FRMPD4: variants seen among roughly 807,000 people sequenced by gnomAD.
FRMPD4 encodes the protein FERM and PDZ domain containing 4, also known as FERM and PDZ domain-containing protein 4.
A neutral mutation model predicts 94.1 loss-of-function variants in FRMPD4; 22 were observed. That is an observed-to-expected ratio of 0.23 (90% CI 0.17 to 0.33). The LOEUF (loss-of-function observed/expected upper bound fraction) is 0.33. Ranked by LOEUF, FRMPD4 falls within the 10% of genes least tolerant of loss-of-function variation. FRMPD4 has a pLI of 1.00. For missense variants in FRMPD4, 1,111 were observed against 1,339.9 expected (o/e 0.83, Z 2.67); for synonymous variants, 631 against 548.6 (o/e 1.15, Z -2.10).
intron 3 of FRMPD4, among the ~76,000 whole-genome samples, chrX:12,088,974 TAAG>T (rs1240983105): frequency 1.8e-5 from 2 of 111,897 alleles, no homozygotes; most frequent in Non-Finnish European, 3.8e-5. Flanking sequence ...CTCCTCTCCA[TAAG>T]AATAACCACT....
intron 1 of FRMPD4, among the ~76,000 whole-genome samples, chrX:12,470,828 A>G (rs936255918): frequency 9.0e-6 from 1 of 111,604 alleles, no homozygotes; most frequent in African/African-American, 3.3e-5. Context: ...CTCCTCAGCA[A>G]TATCTTTCTG....
intron 4 of FRMPD4, among the ~76,000 whole-genome samples, chrX:12,660,339 C>T (rs1038758300): frequency 2.7e-5 from 3 of 112,172 alleles, no homozygotes; most frequent in Non-Finnish European, 5.6e-5. Flanking sequence ...TAGTCCAAGA[C>T]ACTTGATTGG....
chrX:12,440,919 A>G (rs1431504213), intron 1 of FRMPD4, among the ~76,000 whole-genome samples: 1 of 112,104 alleles, frequency 8.9e-6, no homozygotes, highest in Non-Finnish European at 1.9e-5. Flanking sequence ...AAATGTCATA[A>G]TTCTTCTGAT....
intron 1 of FRMPD4, among the ~76,000 whole-genome samples, chrX:12,269,573 G>T (rs2054324152): frequency 8.9e-6 from 1 of 112,438 alleles, no homozygotes; most frequent in Admixed American, 9.4e-5. Context: ...TCTAAGTAAT[G>T]CTATTATAGT....
At chrX:12,626,629 A>G (rs1251552610) in intron 4 of FRMPD4, among the ~76,000 whole-genome samples, 1 of 96,904 alleles carries the variant, frequency 1.0e-5, no homozygotes, top group Non-Finnish European at 2.1e-5. Context: ...TGTATGCCCC[A>G]TAGACACACT....
chrX:12,097,612 G>A (rs1310971025), intron 3 of FRMPD4, among the ~76,000 whole-genome samples: 1 of 112,009 alleles, frequency 8.9e-6, no homozygotes, highest in East Asian at 2.8e-4. Context: ...TCTACTTTCT[G>A]TCTCTATAGA....
intron 4 of FRMPD4, among the ~76,000 whole-genome samples, chrX:12,665,806 A>G (rs775075976): frequency 6.2e-4 from 69 of 112,192 alleles, no homozygotes; most frequent in Non-Finnish European, 1.0e-3. Flanking sequence ...AACTGATACC[A>G]GCTACTGCAA....
intron 3 of FRMPD4, among the ~76,000 whole-genome samples, chrX:12,074,157 C>G (rs1027141678): frequency 1.8e-5 from 2 of 111,763 alleles, no homozygotes; most frequent in African/African-American, 6.5e-5. Context: ...TAATTTATGT[C>G]AAAATTCATA....
intron 3 of FRMPD4, among the ~76,000 whole-genome samples, chrX:12,077,778 C>T (rs1286823627): frequency 2.7e-5 from 3 of 111,543 alleles, no homozygotes; most frequent in Non-Finnish European, 5.6e-5. Context: ...CTCTCTCTCT[C>T]TCTCAGGAAG....
At chrX:11,909,256 A>G (rs2053984103) in intron 3 of FRMPD4, among the ~76,000 whole-genome samples, 1 of 111,894 alleles carries the variant, frequency 8.9e-6, no homozygotes, top group African/African-American at 3.2e-5. Context: ...CAGGTAATCC[A>G]TTTCTTCTCA....
At chrX:12,591,008 A>C (rs2058977467) in intron 2 of FRMPD4, among the ~76,000 whole-genome samples, 2 of 112,000 alleles carry the variant, frequency 1.8e-5, no homozygotes, top group Admixed American at 1.9e-4. Flanking sequence ...ATTTTTGCAA[A>C]TGTGATGATT....
intron 1 of FRMPD4, among the ~76,000 whole-genome samples, chrX:12,417,857 G>A (rs1450834471): frequency 9.3e-6 from 1 of 107,819 alleles, no homozygotes; most frequent in Non-Finnish European, 1.9e-5. Flanking sequence ...AGCCGGGCGT[G>A]GTGGTGGGCG....
chrX:11,882,552 G>A (rs2053819967), intron 3 of FRMPD4, among the ~76,000 whole-genome samples: 1 of 111,453 alleles, frequency 9.0e-6, no homozygotes, highest in Admixed American at 9.5e-5. Context: ...GTGACAGGTC[G>A]CAGTAAAAAC....
intron 3 of FRMPD4, among the ~76,000 whole-genome samples, chrX:11,898,101 G>A (rs1303873392): frequency 9.0e-6 from 1 of 111,668 alleles, no homozygotes; most frequent in East Asian, 2.8e-4. Context: ...CCAAGGAAGA[G>A]GTCCTCATGA....
rs780643593 is a variant in FRMPD4 at position 12,098,078 on chromosome X, CTTG to C, written c.95+220068_95+220070del. Among the ~76,000 whole-genome samples, 8 of 112,194 alleles carry C rather than the reference CTTG, an allele frequency of 7.1e-5. No homozygotes were observed. In the East Asian group the frequency reaches 1.1e-3, roughly 16 times the overall value. On this transcript the variant is annotated intron_variant, in intron 3 of 18. Transcript: ENST00000640291. ...CAATATCTGCACATTTTAGCCAACA[CTTG>C]TTGTTGTCCAGACCTAGGTAATATT...
chrX:12,605,467 T>C (rs1244414226), intron 2 of FRMPD4, among the ~76,000 whole-genome samples: 1 of 111,786 alleles, frequency 8.9e-6, no homozygotes, highest in Non-Finnish European at 1.9e-5. Context: ...GGGGTTGATG[T>C]AATGGCCCCT....
intron 5 of FRMPD4, among the ~76,000 whole-genome samples, chrX:12,675,351 G>A (rs1463103874): frequency 9.5e-6 from 1 of 105,682 alleles, no homozygotes; most frequent in African/African-American, 3.4e-5. Context: ...GACATATGGT[G>A]TCAGAATTCG....
intron 1 of FRMPD4, among the ~76,000 whole-genome samples, chrX:12,364,890 T>C (rs993611074): frequency 2.2e-4 from 25 of 112,463 alleles, no homozygotes; most frequent in Admixed American, 1.8e-3. Context: ...TTTCTTTCTT[T>C]ACTTATTCCT....
intron 3 of FRMPD4, among the ~76,000 whole-genome samples, chrX:11,943,007 G>A (rs2054170003): frequency 8.9e-6 from 1 of 111,956 alleles, no homozygotes; most frequent in African/African-American, 3.3e-5. Context: ...GCTAGCCATA[G>A]TTATCATTTG....
Sources: allele counts gnomAD v4.1 joint callset (sites outside exome capture counted in the v4.1 genomes callset), GRCh38; gene constraint gnomAD v4.1.1; transcripts MANE v1.5; gene names NCBI Gene and HGNC (gene_info 2026-07-23, HGNC 2026-07-21).